The following NOL10 variants were observed in gnomAD, a reference collection of about 807,000 sequenced individuals.
NOL10 encodes H_NH0074G24.1.
In NOL10, 58 loss-of-function variants were observed where a neutral mutation model predicts 103.5. The ratio of observed to expected loss-of-function variants is 0.56; its 90% CI spans 0.45 to 0.70. The LOEUF (loss-of-function observed/expected upper bound fraction) is 0.70, where lower values mean the gene tolerates loss of function less well. Among genes scored for constraint, NOL10 ranks in the 30% least tolerant of loss-of-function variants. The pLI is 0.00. For synonymous variants in NOL10, 287 were observed against 282.5 expected, an observed-to-expected ratio of 1.02 and a Z score of -0.16; for missense variants, 763 against 807.3, an observed-to-expected ratio of 0.95 and a Z score of 0.67.
chr2:10,601,071 A>ATT, intron 16 of NOL10, 129 bp from the exon 17 acceptor site: 10 of 527,294 alleles, frequency 1.9e-5, no homozygotes, highest in African/African-American at 4.0e-5. Context: ...TTATTTTATT[A>ATT]TTTTTTTTTT....
intron 19 of NOL10, among the ~76,000 whole-genome samples, chr2:10,587,098 C>CATATATATATACATATATAT (rs1450691017): frequency 2.3e-5 from 1 of 44,104 alleles, no homozygotes; most frequent in East Asian, 6.0e-4. Context: ...CATATATATA[C>CATATATATATACATATATAT]ACATATATAT....
intron 12 of NOL10, among the ~76,000 whole-genome samples, chr2:10,648,374 C>G (rs115141961): frequency 1.3e-5 from 2 of 152,096 alleles, no homozygotes; most frequent in Non-Finnish European, 2.9e-5. Flanking sequence ...CAAGGAAAAG[C>G]GGAGTGCAAT....
chr2:10,587,158 C>CATATATATAT lies in NOL10; in HGVS notation c.1844+1884_1844+1885insATATATATAT, dbSNP rs1416086112. Reference sequence around the variant, plus strand: ...ATATACACATATATATACATATATACACATATATACACATATATATACACA... The same window carrying CATATATATAT: ...ATATACACATATATATACATATATACATATATATATACATATATACACATATATATACACA... On this transcript the variant is annotated intron_variant, in intron 19 of 20. Coordinates refer to ENST00000381685, the MANE Select transcript of NOL10 (RefSeq NM_024894.4). Among the ~76,000 whole-genome samples the CATATATATAT allele has an allele frequency of 5.9e-3, 196 of 33,178 alleles. 55 individuals are homozygous for CATATATATAT. The highest frequency in any genetic ancestry group is 0.017 in the Admixed American group (41 of 2,404). The allele number at this position is 33,178 out of a possible 152,430, so 21.8% of individuals were successfully genotyped here.
At chr2:10,618,037 T>G (rs1309593865) in intron 13 of NOL10, among the ~76,000 whole-genome samples, 1 of 25,468 alleles carries the variant, frequency 3.9e-5, no homozygotes. Flanking sequence ...ACTTCATGTT[T>G]TTTTTTTTTT....
chr2:10,631,513 C>T (rs1425324982), intron 13 of NOL10, among the ~76,000 whole-genome samples: 2 of 152,114 alleles, frequency 1.3e-5, no homozygotes, highest in Admixed American at 6.5e-5. Context: ...GTTTAATTAA[C>T]CTATCTTCTT....
At chr2:10,656,062 T>C (rs368078758) in intron 11 of NOL10, among the ~76,000 whole-genome samples, 19 of 152,298 alleles carry the variant, frequency 1.2e-4, no homozygotes, top group African/African-American at 4.6e-4. Flanking sequence ...ATGGAAACTA[T>C]GCAGAAGTTA....
chr2:10,644,095 C>T (rs1678895266), intron 13 of NOL10, among the ~76,000 whole-genome samples: 1 of 152,030 alleles, frequency 6.6e-6, no homozygotes, highest in Non-Finnish European at 1.5e-5. Context: ...ACCAAAAATA[C>T]AAAAATTAGC....
At chr2:10,622,617 G>A (rs991350338) in intron 13 of NOL10, among the ~76,000 whole-genome samples, 11 of 152,098 alleles carry the variant, frequency 7.2e-5, no homozygotes, top group Admixed American at 7.2e-4. Context: ...CTCTGTAAAG[G>A]AGCGGAGACC....
At chr2:10,580,741 G>A (rs10208103) in intron 19 of NOL10, among the ~76,000 whole-genome samples, 52,122 of 151,706 alleles carry the variant, frequency 0.34, 9,371 homozygotes, top group Non-Finnish European at 0.4. Flanking sequence ...GAACACACGC[G>A]CACACACACA....
In NOL10 at chr2:10,673,536, G is replaced by T; in HGVS notation, c.311C>A (p.Ser104Tyr). Residue 104 changes from serine (S) to tyrosine (Y), a missense_variant, in exon 5 of 21, where the codon TCT (serine) becomes TAT (tyrosine). Transcript: ENST00000381685. ...AAAACATACCTTTGAGTAGTCATCAGACAAAATTTCAAAGGTGACAACTGA... is the reference window on the plus strand; with the variant it reads ...AAAACATACCTTTGAGTAGTCATCATACAAAATTTCAAAGGTGACAACTGA... ...DSEVVTFEIL[S>Y]DDYSKIVFLH... 6.3e-7 allele frequency: 1 copy of T among 1,597,494 alleles called. No individual in the cohort carries two copies. The highest frequency in any genetic ancestry group is 8.5e-7 in the Non-Finnish European group (1 of 1,170,870).
Position 10,659,121 on chromosome 2 carries a change from A to G in NOL10, c.756+51T>C, listed in dbSNP as rs915362951. 4.9e-6 allele frequency: 6 copies of G among 1,221,392 alleles called. No homozygotes were observed. In the African/African-American group the frequency reaches 6.0e-5, roughly 12 times the overall value. 75.7% of individuals were successfully genotyped at this position (1,221,392 alleles called of 1,614,324 possible). A position where few individuals can be genotyped will look rare whatever the true frequency, so the allele number is the denominator to read the frequency against. On this transcript the variant is annotated intron_variant, in intron 10 of 20. Coordinates refer to ENST00000381685, the MANE Select transcript of NOL10 (RefSeq NM_024894.4). Reference sequence around the variant, plus strand: ...AGTGTATTTCTCATGACACATACACACACCACTGAAATACCAACTTACATG... The same window carrying G: ...AGTGTATTTCTCATGACACATACACGCACCACTGAAATACCAACTTACATG...
chr2:10,613,527 TA>T (rs1676678957), intron 13 of NOL10, among the ~76,000 whole-genome samples: 1 of 152,212 alleles, frequency 6.6e-6, no homozygotes, highest in African/African-American at 2.4e-5. Flanking sequence ...TATGGTTTCA[TA>T]ACCAGGAAAG....
At chr2:10,662,825 A>G in intron 9 of NOL10, 134 bp downstream of exon 9, 1 of 697,856 alleles carries the variant, frequency 1.4e-6, no homozygotes, top group Non-Finnish European at 2.4e-6. Flanking sequence ...TTTACAGGAG[A>G]GGATCTTTAT....
intron 19 of NOL10, among the ~76,000 whole-genome samples, chr2:10,585,954 G>A (rs549753197): frequency 6.6e-5 from 10 of 152,298 alleles, no homozygotes; most frequent in South Asian, 2.1e-4. Flanking sequence ...TGACTACACC[G>A]ATAGATGCTA....
intron 14 of NOL10, among the ~76,000 whole-genome samples, chr2:10,606,667 T>C (rs1377095315): frequency 1.3e-5 from 2 of 152,026 alleles, no homozygotes; most frequent in Non-Finnish European, 2.9e-5. Context: ...CATAAGTATT[T>C]GCTGTTCTTT....
At chr2:10,578,074 C>A (rs542129006) in intron 19 of NOL10, among the ~76,000 whole-genome samples, 11 of 152,206 alleles carry the variant, frequency 7.2e-5, no homozygotes, top group Non-Finnish European at 1.6e-4. Flanking sequence ...ACTCCTGAAG[C>A]CTGTAATTGA....
At chr2:10,620,231 GC>G (rs1677057795) in intron 13 of NOL10, among the ~76,000 whole-genome samples, 2 of 152,046 alleles carry the variant, frequency 1.3e-5, no homozygotes, top group Non-Finnish European at 2.9e-5. Context: ...TAACTTTTCT[GC>G]ATATTCTTAT....
chr2:10,601,737 T>C (rs1038329762), intron 16 of NOL10, among the ~76,000 whole-genome samples: 3 of 152,116 alleles, frequency 2.0e-5, no homozygotes, highest in Admixed American at 6.6e-5. Flanking sequence ...TCACTTGAGC[T>C]CAGGTCGAGG....
rs1167273679 is a variant in NOL10 at position 10,589,702 on chromosome 2, T to C, written c.1472A>G (p.Asn491Ser). 6.3e-7 allele frequency: 1 copy of C among 1,580,436 alleles called. No homozygotes were observed. Among genetic ancestry groups the C allele is most frequent in the East Asian group, 2.3e-5 (1 of 44,322 alleles). The change falls in exon 18 of 21, where the codon AAC (asparagine) becomes AGC (serine). Residue 491 changes from asparagine to serine, a missense_variant. By Grantham distance (46) the Asn-to-Ser change is conservative. Coordinates refer to ENST00000381685, the MANE Select transcript of NOL10 (RefSeq NM_024894.4). The stretch of plus-strand genomic sequence containing the variant: ...CTCTTCATCTACTTGGAAGTCAGGG[T>C]TCTCAAACATAACTTTAAATCGATC... ...TDDRFKVMFE[N>S]PDFQVDEESE... is the part of the protein sequence containing the mutation.
Sources: allele counts gnomAD v4.1 joint callset (sites outside exome capture counted in the v4.1 genomes callset), GRCh38; gene constraint gnomAD v4.1.1; transcripts MANE v1.5; gene names NCBI Gene and HGNC (gene_info 2026-07-23, HGNC 2026-07-21).